The following CFAP20DC variants were observed in gnomAD, a reference collection of about 807,000 sequenced individuals.
The protein encoded by CFAP20DC is protein CFAP20DC.
Under a neutral mutation model 101.7 loss-of-function variants are expected in CFAP20DC, and 84 were observed. That is an observed-to-expected ratio of 0.83 (90% CI 0.69 to 0.99). The LOEUF (loss-of-function observed/expected upper bound fraction) is 0.99. Ranked by LOEUF, CFAP20DC falls within the 50% of genes least tolerant of loss-of-function variation. The pLI is 0.00. For synonymous variants in CFAP20DC, 359 were observed against 351.2 expected (o/e 1.02, Z -0.25); for missense variants, 1,007 against 970.3 (o/e 1.04, Z -0.50).
intron 15 of CFAP20DC, among the ~76,000 whole-genome samples, chr3:58,757,335 A>G (rs2069051131): frequency 1.3e-5 from 2 of 152,026 alleles, no homozygotes; most frequent in Admixed American, 1.3e-4. Flanking sequence ...GTATTTTCAT[A>G]TATTTAAGGG....
chr3:58,936,935 TA>T (rs955355490), intron 5 of CFAP20DC, among the ~76,000 whole-genome samples: 8 of 133,274 alleles, frequency 6.0e-5, no homozygotes, highest in East Asian at 4.6e-4. Flanking sequence ...ATAACAAAAT[TA>T]AAAAAAAATA....
intron 12 of CFAP20DC, among the ~76,000 whole-genome samples, chr3:58,852,122 T>G (rs549255132): frequency 1.3e-5 from 2 of 152,178 alleles, no homozygotes; most frequent in East Asian, 3.9e-4. Context: ...AACCTCTTAG[T>G]AGCCATTGCT....
chr3:58,797,294 G>A (rs953248262), intron 15 of CFAP20DC, among the ~76,000 whole-genome samples: 3 of 152,166 alleles, frequency 2.0e-5, no homozygotes, highest in African/African-American at 7.2e-5. Flanking sequence ...TTACTCCAGA[G>A]AACACACAAA....
chr3:58,900,013 G>T (rs2083007200), intron 6 of CFAP20DC, among the ~76,000 whole-genome samples: 1 of 152,176 alleles, frequency 6.6e-6, no homozygotes, highest in African/African-American at 2.4e-5. Context: ...CATAATGGGA[G>T]AATCTAATAG....
chr3:58,745,558 G>T (rs142672930), intron 16 of CFAP20DC, among the ~76,000 whole-genome samples: 2,048 of 152,194 alleles, frequency 0.013, 29 homozygotes, highest in Non-Finnish European at 0.018. Flanking sequence ...TACAAAATGG[G>T]AATAACAATG....
intron 7 of CFAP20DC, among the ~76,000 whole-genome samples, chr3:58,873,402 T>C (rs996612969): frequency 6.6e-6 from 1 of 150,610 alleles, no homozygotes; most frequent in African/African-American, 2.5e-5. Flanking sequence ...CTGGATGCTG[T>C]CAGGCAGGTG....
At chr3:58,809,070 C>T (rs966704349) in intron 14 of CFAP20DC, among the ~76,000 whole-genome samples, 1 of 152,004 alleles carries the variant, frequency 6.6e-6, no homozygotes, top group Admixed American at 6.6e-5. Context: ...TAAAGCAAGT[C>T]CTGAGTGACC....
chr3:58,937,619 AT>A, intron 5 of CFAP20DC, 28 bp downstream of exon 5: 1 of 1,309,288 alleles, frequency 7.6e-7, no homozygotes, highest in Non-Finnish European at 1.1e-6. Context: ...TGAATTTAAT[AT>A]TTTAGGCAAC....
rs376840490 is a variant in CFAP20DC, at chr3:58,921,368, T to C, written c.394-7504A>G. Among the ~76,000 whole-genome samples, 10 of 152,230 alleles carry C rather than the reference T, an allele frequency of 6.6e-5. No individual in the cohort carries two copies. The East Asian group carries it at 9.6e-4, about 15-fold the overall frequency. ...CTTTTTTCTTTTTGAATGTAATCAT[T>C]AAAAGCTATAAATTTCCCTTTAGGC... On this transcript the variant is annotated intron_variant, in intron 5 of 16. Coordinates refer to ENST00000482387, the MANE Select transcript of CFAP20DC (RefSeq NM_001394063.1).
chr3:58,902,396 T>A (rs1485957394), intron 6 of CFAP20DC, among the ~76,000 whole-genome samples: 1 of 152,190 alleles, frequency 6.6e-6, no homozygotes, highest in African/African-American at 2.4e-5. Flanking sequence ...GGGTGAACGA[T>A]TTTATGTTCC....
chr3:58,952,340 C>T (rs1210763397), intron 4 of CFAP20DC, among the ~76,000 whole-genome samples: 1 of 152,136 alleles, frequency 6.6e-6, no homozygotes, highest in Non-Finnish European at 1.5e-5. Flanking sequence ...TTCTCATCAT[C>T]CTACTCCATC....
chr3:58,743,371 T>C (rs1394193716), intron 16 of CFAP20DC, among the ~76,000 whole-genome samples: 1 of 152,222 alleles, frequency 6.6e-6, no homozygotes, highest in Non-Finnish European at 1.5e-5. Context: ...GAGTGCATTC[T>C]GAGTACTTCT....
At chr3:58,716,367 G>T (rs2107033975), downstream of CFAP20DC, among the ~76,000 whole-genome samples, 1 of 151,672 alleles carries the variant, frequency 6.6e-6, no homozygotes, top group South Asian at 2.1e-4. Flanking sequence ...GTTTCACCTT[G>T]TTAGCCAGGA....
chr3:58,968,119 C>T (rs1396441848), intron 4 of CFAP20DC, among the ~76,000 whole-genome samples: 3 of 152,174 alleles, frequency 2.0e-5, no homozygotes, highest in African/African-American at 7.2e-5. Context: ...CACTGATGGG[C>T]ATTTAGGTTG....
At chr3:58,837,739 A>G (rs577974355) in intron 13 of CFAP20DC, among the ~76,000 whole-genome samples, 2 of 152,278 alleles carry the variant, frequency 1.3e-5, no homozygotes, top group East Asian at 3.9e-4. Context: ...TTTATTAAAA[A>G]CTTTATAGCT....
intron 15 of CFAP20DC, among the ~76,000 whole-genome samples, chr3:58,762,482 T>C (rs552547642): frequency 1.3e-5 from 2 of 152,186 alleles, no homozygotes; most frequent in African/African-American, 2.4e-5. Context: ...GGGTCTTGAC[T>C]CTTTATCCAA....
intron 5 of CFAP20DC, among the ~76,000 whole-genome samples, chr3:58,934,610 G>C (rs1040682371): frequency 6.6e-6 from 1 of 152,136 alleles, no homozygotes; most frequent in Admixed American, 6.5e-5. Context: ...ATACAAGGCT[G>C]GTCCAATATA....
At chr3:58,836,418 C>G (rs1375188211) in intron 13 of CFAP20DC, among the ~76,000 whole-genome samples, 1 of 152,098 alleles carries the variant, frequency 6.6e-6, no homozygotes, top group Admixed American at 6.6e-5. Flanking sequence ...TTTAATCAAT[C>G]AAACATCTGA....
chr3:59,030,985 G>A (rs185461581), intron 4 of CFAP20DC, among the ~76,000 whole-genome samples: 4 of 151,962 alleles, frequency 2.6e-5, no homozygotes, highest in African/African-American at 9.7e-5. Context: ...CACCACTCCC[G>A]GCTAATTTTT....
Sources: allele counts gnomAD v4.1 joint callset (sites outside exome capture counted in the v4.1 genomes callset), GRCh38; gene constraint gnomAD v4.1.1; transcripts MANE v1.5; gene names NCBI Gene and HGNC (gene_info 2026-07-23, HGNC 2026-07-21).